PNPT1: variants seen among roughly 807,000 people sequenced by gnomAD.
PNPT1 encodes polyribonucleotide nucleotidyltransferase 1.
In PNPT1, 53 loss-of-function variants were observed where a neutral mutation model predicts 119.5. The ratio of observed to expected loss-of-function variants is 0.44; its 90% CI spans 0.36 to 0.56. The LOEUF (loss-of-function observed/expected upper bound fraction) is 0.56, where lower values mean the gene tolerates loss of function less well. Among genes scored for constraint, PNPT1 ranks in the 20% least tolerant of loss-of-function variants. The pLI is 0.00. For missense variants in PNPT1, 948 were observed against 938.5 expected, an observed-to-expected ratio of 1.01 and a Z score of -0.13; for synonymous variants, 357 against 322.1, an observed-to-expected ratio of 1.11 and a Z score of -1.16.
rs1244665872 is a variant in PNPT1, at chr2:55,679,716, A to C, written c.645T>G (p.Asn215Lys). The C allele has an allele frequency of 6.2e-7, 1 of 1,611,968 alleles. No individual in the cohort carries two copies. Among genetic ancestry groups the C allele is most frequent in the Non-Finnish European group, 8.5e-7 (1 of 1,178,926 alleles). The change falls in exon 8 of 28, where the codon AAT (asparagine) becomes AAG (lysine). Residue 215 changes from asparagine (N) to lysine (K), a missense_variant. Coordinates refer to ENST00000447944, the MANE Select transcript of PNPT1 (RefSeq NM_033109.5). ...TRKEMSSSTL[N>K]LVVAGAPKSQ... The stretch of plus-strand genomic sequence containing the variant: ...TTTTAGGTGCTCCAGCAACCACTAA[A>C]TTTAAAGTACTAGAAGACATTTCTT...
Position 55,671,323 on chromosome 2 carries a change from T to C in PNPT1, c.972A>G (p.Leu324=), listed in dbSNP as rs547186289. The C allele has an allele frequency of 2.7e-6, 4 of 1,509,286 alleles. No homozygotes were observed. In the East Asian group the frequency reaches 9.5e-5, roughly 36 times the overall value. 93.5% of individuals were successfully genotyped at this position (1,509,286 alleles called of 1,614,324 possible). Residue 324 remains leucine, a synonymous_variant, in exon 11 of 28, where the codon CTA becomes CTG. Coordinates refer to ENST00000447944, the MANE Select transcript of PNPT1 (RefSeq NM_033109.5). ...NKIRLDTEEQ[L]KEKFPEADPY... Reference sequence around the variant, plus strand: ...ATAAAATAAAATAAAATTTACCTTTTAGTTGTTCCTCCGTATCTAATCTTA... The same window carrying C: ...ATAAAATAAAATAAAATTTACCTTTCAGTTGTTCCTCCGTATCTAATCTTA...
At chr2:55,671,015 A>T (rs1696895461) in intron 11 of PNPT1, among the ~76,000 whole-genome samples, 1 of 152,202 alleles carries the variant, frequency 6.6e-6, no homozygotes, top group Admixed American at 6.5e-5. Context: ...TTTTAAAATT[A>T]AAAAATACAT....
rs763435657 is a variant in PNPT1, at chr2:55,643,476, G to A, written c.1907-51C>T. On this transcript the variant is annotated intron_variant, in intron 23 of 27. Transcript: ENST00000447944. ...TAAAGTTAACTTGGCTGGGCATAGT[G>A]GGTCACATCTGTAATCCCAGCACTC... 2.7e-6 allele frequency: 4 copies of A among 1,499,166 alleles called. No individual in the cohort carries two copies. The South Asian group carries it at 4.5e-5, about 17-fold the overall frequency. The allele number at this position is 1,499,166 out of a possible 1,614,324, so 92.9% of individuals were successfully genotyped here.
chr2:55,684,753 C>G (rs930244659), intron 4 of PNPT1, among the ~76,000 whole-genome samples, 190 bp downstream of exon 4: 3 of 152,178 alleles, frequency 2.0e-5, no homozygotes, highest in Non-Finnish European at 4.4e-5. Context: ...GGATTCAACC[C>G]TGAAGAAATA....
At chr2:55,650,654 A>C (rs1429881527) in intron 18 of PNPT1, among the ~76,000 whole-genome samples, 6 of 141,834 alleles carry the variant, frequency 4.2e-5, no homozygotes, top group Non-Finnish European at 9.1e-5. Flanking sequence ...ATCGTCTGAG[A>C]TGTGGGGAGC....
rs1217507378 is a variant in PNPT1, at chr2:55,679,751, G to C, written c.610C>G (p.Pro204Ala). 1.9e-6 allele frequency: 3 copies of C among 1,610,564 alleles called. No homozygotes were observed. The highest frequency in any genetic ancestry group is 3.4e-5 in the Admixed American group (2 of 59,560). Residue 204 changes from proline (P) to alanine (A), a missense_variant, in exon 8 of 28, where the codon CCA becomes GCA. Pro to Ala is a conservative substitution (Grantham distance 27, BLOSUM62 -1). Coordinates refer to ENST00000447944, the MANE Select transcript of PNPT1 (RefSeq NM_033109.5). ...CTAGAAGACATTTCTTTTCTTGTTGGGTTAACAACATATTCTCCATCAATT... is the reference window on the plus strand; with the variant it reads ...CTAGAAGACATTTCTTTTCTTGTTGCGTTAACAACATATTCTCCATCAATT... ...GIIDGEYVVN[P>A]TRKEMSSSTL... is the part of the protein sequence containing the mutation.
chr2:55,656,813 T>G (rs1450097369), intron 15 of PNPT1, among the ~76,000 whole-genome samples: 2 of 152,234 alleles, frequency 1.3e-5, no homozygotes, highest in African/African-American at 2.4e-5. Context: ...CTCCACTAAC[T>G]TTTTCAGATA....
In PNPT1 at chr2:55,693,785, G is replaced by A; in HGVS notation, c.39C>T (p.Leu13=). The A allele has an allele frequency of 1.2e-6, 2 of 1,614,056 alleles. No individual in the cohort carries two copies. Among genetic ancestry groups the A allele is most frequent in the Non-Finnish European group, 1.7e-6 (2 of 1,180,048 alleles). The change falls in exon 1 of 28, where the codon CTC becomes CTT. Residue 13 remains leucine (L), a synonymous_variant. Transcript: ENST00000447944. ...GGAAAGGACCATCGCTCAGGGGCCG[G>A]AGCCGGAGGCACGAGCAGCAGTACC... ...ACRYCCSCLR[L]RPLSDGPFLL...
At chr2:55,642,656 A>G (rs974732040) in intron 25 of PNPT1, among the ~76,000 whole-genome samples, 2 of 151,640 alleles carry the variant, frequency 1.3e-5, no homozygotes, top group Non-Finnish European at 2.9e-5. Flanking sequence ...ACCTATCATA[A>G]TTAGAACCAC....
chr2:55,686,618 T>C (rs765558462), intron 2 of PNPT1, among the ~76,000 whole-genome samples, 174 bp from the exon 3 acceptor site: 3 of 152,244 alleles, frequency 2.0e-5, no homozygotes, highest in Non-Finnish European at 2.9e-5. Context: ...TCTGAGCTTT[T>C]CAAAAGCTAT....
At chr2:55,683,042 G>A (rs1476082099) in intron 5 of PNPT1, among the ~76,000 whole-genome samples, 1 of 152,184 alleles carries the variant, frequency 6.6e-6, no homozygotes, top group African/African-American at 2.4e-5. Flanking sequence ...TATCCTGAAA[G>A]AAAGTATTAT....
chr2:55,644,335 G>A (rs1572796839), intron 23 of PNPT1, among the ~76,000 whole-genome samples: 1 of 152,058 alleles, frequency 6.6e-6, no homozygotes, highest in Non-Finnish European at 1.5e-5. Context: ...AAATAACTAA[G>A]TAATAATTCC....
rs528836581 is a variant in PNPT1 at position 55,651,438 on chromosome 2, T to G, written c.1495+3462A>C. 3.3e-5 allele frequency among the ~76,000 whole-genome samples: 5 copies of G among 152,168 alleles called. No individual in the cohort carries two copies. In the East Asian group the frequency reaches 9.7e-4, roughly 30 times the overall value. On this transcript the variant is annotated intron_variant, in intron 18 of 27. Coordinates refer to ENST00000447944, the MANE Select transcript of PNPT1 (RefSeq NM_033109.5). Reference sequence around the variant, plus strand: ...CATTTTGTTCTGTACTAAGAAAAATTCTTCTGCCTTGGGATCCTGTTGATC... The same window carrying G: ...CATTTTGTTCTGTACTAAGAAAAATGCTTCTGCCTTGGGATCCTGTTGATC...
chr2:55,644,501 G>A (rs1695927681), intron 23 of PNPT1, 136 bp downstream of exon 23: 9 of 554,174 alleles, frequency 1.6e-5, no homozygotes, highest in Non-Finnish European at 2.7e-5. Flanking sequence ...GTCAAGACAC[G>A]TCATATCCTT....
At chr2:55,669,505 T>G (rs1572820762) in intron 11 of PNPT1, among the ~76,000 whole-genome samples, 1 of 152,350 alleles carries the variant, frequency 6.6e-6, no homozygotes, top group East Asian at 1.9e-4. Context: ...GACTTTAATA[T>G]CTTTTCTGCT....
intron 1 of PNPT1, among the ~76,000 whole-genome samples, chr2:55,691,024 C>T (rs1697580646): frequency 6.6e-6 from 1 of 152,226 alleles, no homozygotes; most frequent in Non-Finnish European, 1.5e-5. Flanking sequence ...CTTCTCAAAA[C>T]TTACCAGGAA....
intron 12 of PNPT1, 87 bp from the exon 13 acceptor site, chr2:55,667,180 C>T (rs544994236): frequency 2.0e-5 from 19 of 958,386 alleles, no homozygotes; most frequent in Middle Eastern, 4.3e-4. Flanking sequence ...AGTTCTCAAC[C>T]TCAGTTGTGT....
chr2:55,675,782 T>C (rs958009000), intron 8 of PNPT1, among the ~76,000 whole-genome samples: 4 of 152,230 alleles, frequency 2.6e-5, no homozygotes, highest in Admixed American at 2.6e-4. Context: ...TAGCCACATA[T>C]GGCTACTTGC....
intron 13 of PNPT1, among the ~76,000 whole-genome samples, chr2:55,663,796 G>C (rs539846548): frequency 6.6e-6 from 1 of 151,970 alleles, no homozygotes; most frequent in African/African-American, 2.4e-5. Flanking sequence ...GGCTAACATG[G>C]TGAAACCCCG....
Sources: gnomAD v4.1 joint callset for allele counts (sites outside exome capture counted in the v4.1 genomes callset) on GRCh38, gnomAD v4.1.1 for gene constraint, MANE v1.5 for transcripts, NCBI Gene and HGNC (gene_info 2026-07-23, HGNC 2026-07-21) for gene names.